The following RBMS1 variants were observed in gnomAD, a reference collection of about 807,000 sequenced individuals.
RBMS1 encodes the protein RNA binding motif single stranded interacting protein 1.
In RBMS1, 17 loss-of-function variants were observed where a neutral mutation model predicts 62.3. That is an observed-to-expected ratio of 0.27 (90% CI 0.19 to 0.41). The LOEUF (loss-of-function observed/expected upper bound fraction) is 0.41. Ranked by LOEUF, RBMS1 falls within the 10% of genes least tolerant of loss-of-function variation. RBMS1 has a pLI of 1.00. For synonymous variants in RBMS1, 172 were observed against 170.0 expected, an observed-to-expected ratio of 1.01 and a Z score of -0.09; for missense variants, 334 against 504.5, an observed-to-expected ratio of 0.66 and a Z score of 3.24.
intron 1 of RBMS1, among the ~76,000 whole-genome samples, chr2:160,433,579 G>A (rs958687691): frequency 4.6e-5 from 7 of 152,200 alleles, no homozygotes; most frequent in African/African-American, 1.7e-4. Context: ...AAGTGACACT[G>A]AGGTATAATT....
chr2:160,418,465 T>C (rs571217176), intron 1 of RBMS1, among the ~76,000 whole-genome samples: 33 of 152,196 alleles, frequency 2.2e-4, no homozygotes, highest in Non-Finnish European at 4.3e-4. Context: ...GTCCTTAAAA[T>C]TTATATGAAA....
chr2:160,478,214 TC>T (rs1685222184), intron 1 of RBMS1, among the ~76,000 whole-genome samples: 1 of 152,242 alleles, frequency 6.6e-6, no homozygotes, highest in South Asian at 2.1e-4. Flanking sequence ...TTGTCCACGG[TC>T]CTTTCCTTCT....
chr2:160,354,542 A>C (rs1170184008), intron 2 of RBMS1, among the ~76,000 whole-genome samples: 1 of 152,158 alleles, frequency 6.6e-6, no homozygotes, highest in South Asian at 2.1e-4. Flanking sequence ...CTCCTGTCCA[A>C]ATGGGCTAGC....
chr2:160,360,175 T>C (rs1376839946), intron 2 of RBMS1, among the ~76,000 whole-genome samples: 2 of 152,092 alleles, frequency 1.3e-5, no homozygotes, highest in Admixed American at 1.3e-4. Context: ...ATAACAAAAA[T>C]AAAAGCATGG....
intron 2 of RBMS1, among the ~76,000 whole-genome samples, chr2:160,347,787 C>T (rs1462310184): frequency 6.6e-6 from 1 of 152,086 alleles, no homozygotes; most frequent in Non-Finnish European, 1.5e-5. Flanking sequence ...TTTTGCTGCA[C>T]TTCAAGGGCA....
At chr2:160,379,496 C>T (rs1184148217) in intron 1 of RBMS1, among the ~76,000 whole-genome samples, 1 of 152,160 alleles carries the variant, frequency 6.6e-6, no homozygotes, top group African/African-American at 2.4e-5. Flanking sequence ...TACATAGGTG[C>T]CCTGGGAGCT....
At chr2:160,409,617 C>A (rs574135987) in intron 1 of RBMS1, among the ~76,000 whole-genome samples, 1 of 152,144 alleles carries the variant, frequency 6.6e-6, no homozygotes, top group African/African-American at 2.4e-5. Flanking sequence ...TGCTCAACAC[C>A]CCAGCAGCTC....
intron 2 of RBMS1, among the ~76,000 whole-genome samples, chr2:160,341,085 T>C (rs964240810): frequency 2.0e-5 from 3 of 152,268 alleles, no homozygotes; most frequent in South Asian, 2.1e-4. Context: ...AAAAAATATA[T>C]GTTTGAGTGG....
chr2:160,352,606 T>C (rs115239861), intron 2 of RBMS1, among the ~76,000 whole-genome samples: 1,644 of 152,252 alleles, frequency 0.011, 39 homozygotes, highest in African/African-American at 0.035. Context: ...TCTCTTTGTA[T>C]AAGTGAGTCA....
chr2:160,321,675 T>C (rs1329165477), intron 2 of RBMS1, among the ~76,000 whole-genome samples: 1 of 152,210 alleles, frequency 6.6e-6, no homozygotes, highest in East Asian at 1.9e-4. Flanking sequence ...TCTCTCTCCA[T>C]ATCTCTTTTC....
chr2:160,435,634 T>C (rs991126779), intron 1 of RBMS1, among the ~76,000 whole-genome samples: 1 of 152,136 alleles, frequency 6.6e-6, no homozygotes, highest in African/African-American at 2.4e-5. Flanking sequence ...CTTTTTTCTG[T>C]CAAAAAAGGC....
At chr2:160,491,209 A>G (rs1283685922) in intron 1 of RBMS1, among the ~76,000 whole-genome samples, 1 of 152,196 alleles carries the variant, frequency 6.6e-6, no homozygotes, top group African/African-American at 2.4e-5. Context: ...GATAATCAAG[A>G]TACTTGTACA....
At chr2:160,426,395 C>A (rs1157383427) in intron 1 of RBMS1, among the ~76,000 whole-genome samples, 1 of 152,026 alleles carries the variant, frequency 6.6e-6, no homozygotes, top group Non-Finnish European at 1.5e-5. Context: ...TTCTCATACA[C>A]AATCTAAGCT....
intron 11 of RBMS1, 177 bp from the exon 12 acceptor site, chr2:160,277,560 T>A (rs1450320961): frequency 1.2e-5 from 5 of 416,254 alleles, no homozygotes; most frequent in Non-Finnish European, 2.1e-5. Context: ...GGTAAACTGT[T>A]TTCTACTTTT....
chr2:160,458,146 T>C (rs1163391420), intron 1 of RBMS1, among the ~76,000 whole-genome samples: 1 of 152,036 alleles, frequency 6.6e-6, no homozygotes, highest in African/African-American at 2.4e-5. Flanking sequence ...TTATTTTTCA[T>C]AGAGATAGAA....
intron 1 of RBMS1, among the ~76,000 whole-genome samples, chr2:160,410,138 C>T (rs1178392964): frequency 7.2e-6 from 1 of 137,978 alleles, no homozygotes. Context: ...AGGAGAATGG[C>T]GTGAACCCAG....
intron 1 of RBMS1, among the ~76,000 whole-genome samples, chr2:160,452,538 T>C (rs1246396684): frequency 6.6e-6 from 1 of 152,254 alleles, no homozygotes; most frequent in Non-Finnish European, 1.5e-5. Flanking sequence ...TTATTCATTG[T>C]TTATTTTTAA....
chr2:160,331,501 GT>G (rs1235078071), intron 2 of RBMS1, among the ~76,000 whole-genome samples: 1 of 152,184 alleles, frequency 6.6e-6, no homozygotes, highest in African/African-American at 2.4e-5. Flanking sequence ...CATTAGGTGT[GT>G]GCCCTTGGAC....
rs780048216 is a variant in RBMS1 at position 160,392,389 on chromosome 2, G to A, written c.76-24998C>T. On this transcript the variant is annotated intron_variant, in intron 1 of 13. Coordinates refer to ENST00000348849, the MANE Select transcript of RBMS1 (RefSeq NM_016836.4). ...CTATGGCTGCTTTCCAGTTACAAAGGCAGTGCTGAGTAATTGTGACAGAGA... is the reference window on the plus strand; with the variant it reads ...CTATGGCTGCTTTCCAGTTACAAAGACAGTGCTGAGTAATTGTGACAGAGA... Among the ~76,000 whole-genome samples the A allele has an allele frequency of 4.6e-5, 7 of 151,838 alleles. No homozygotes were observed. The East Asian group carries it at 1.4e-3, about 29-fold the overall frequency.
Sources: allele counts gnomAD v4.1 joint callset (sites outside exome capture counted in the v4.1 genomes callset), GRCh38; gene constraint gnomAD v4.1.1; transcripts MANE v1.5; gene names NCBI Gene and HGNC (gene_info 2026-07-23, HGNC 2026-07-21).